Variants in PLD5 observed in about 807,000 individuals in gnomAD.
PLD5 encodes the protein inactive phospholipase D5.
PLD5 carries 36 observed loss-of-function variants against 61.1 expected under a neutral mutation model. The ratio of observed to expected loss-of-function variants is 0.59; its 90% CI spans 0.45 to 0.78. The LOEUF (loss-of-function observed/expected upper bound fraction) is 0.78. Ranked by LOEUF, PLD5 falls within the 30% of genes least tolerant of loss-of-function variation. PLD5 has a pLI of 0.00. For missense variants in PLD5, 515 were observed against 644.4 expected (o/e 0.80, Z 2.17); for synonymous variants, 243 against 242.8 (o/e 1.00, Z -0.01).
At chr1:242,274,598 C>CA (rs1314543221) in intron 3 of PLD5, among the ~76,000 whole-genome samples, 1 of 151,876 alleles carries the variant, frequency 6.6e-6, no homozygotes, top group African/African-American at 2.4e-5. Flanking sequence ...ACTAAAAATA[C>CA]AAAAAATTAG....
intron 2 of PLD5, among the ~76,000 whole-genome samples, chr1:242,297,437 TG>T (rs2149153279): frequency 6.7e-6 from 1 of 149,042 alleles, no homozygotes; most frequent in Admixed American, 6.7e-5. Flanking sequence ...GGCAGGGTCT[TG>T]CTCTGTCATC....
intron 4 of PLD5, among the ~76,000 whole-genome samples, chr1:242,252,720 C>T (rs1672773064): frequency 2.0e-5 from 3 of 152,026 alleles, no homozygotes; most frequent in Admixed American, 2.0e-4. Flanking sequence ...AAGCTACTGG[C>T]TAAAAATGCT....
rs553566951 is a variant in PLD5, at chr1:242,105,687, A to AATAAGT, written c.1239+1978_1239+1983dup. Among the ~76,000 whole-genome samples, 735 of 152,324 alleles carry AATAAGT rather than the reference A, an allele frequency of 4.8e-3. 5 individuals carry two copies. Among genetic ancestry groups the AATAAGT allele is most frequent in the Admixed American group, 0.013 (199 of 15,300 alleles). On this transcript the variant is annotated intron_variant, in intron 8 of 9. Transcript: ENST00000536534. ...TTGTACCTAAAGCTCAATAATAGAA[A>AATAAGT]ATAAGTATGAAAAATCCTTTAAGTG...
chr1:242,304,446 T>C (rs1053812402), intron 2 of PLD5, among the ~76,000 whole-genome samples: 1 of 152,264 alleles, frequency 6.6e-6, no homozygotes, highest in East Asian at 1.9e-4. Flanking sequence ...AGTCTGAATA[T>C]GGCTTAAGTT....
intron 5 of PLD5, among the ~76,000 whole-genome samples, chr1:242,207,232 T>C (rs1008153491): frequency 5.9e-5 from 9 of 152,284 alleles, no homozygotes; most frequent in Admixed American, 5.9e-4. Context: ...ACTCATTAAA[T>C]TAACCTTCAC....
chr1:242,242,588 C>A (rs1169922380), intron 4 of PLD5, among the ~76,000 whole-genome samples: 1 of 152,180 alleles, frequency 6.6e-6, no homozygotes, highest in Non-Finnish European at 1.5e-5. Flanking sequence ...GTATCTTTCA[C>A]CACCCATTAA....
chr1:242,167,293 AAC>A (rs1488182803), intron 5 of PLD5, among the ~76,000 whole-genome samples: 3 of 152,178 alleles, frequency 2.0e-5, no homozygotes, highest in Non-Finnish European at 4.4e-5. Context: ...TTAATGGACT[AAC>A]AGTTCCACAT....
chr1:242,115,738 G>C (rs1661897161), intron 6 of PLD5, among the ~76,000 whole-genome samples: 1 of 151,888 alleles, frequency 6.6e-6, no homozygotes, highest in African/African-American at 2.4e-5. Flanking sequence ...GTTGAGAAAA[G>C]GTCATCGATA....
At chr1:242,174,663 T>C (rs1365618783) in intron 5 of PLD5, among the ~76,000 whole-genome samples, 1 of 152,194 alleles carries the variant, frequency 6.6e-6, no homozygotes, top group Non-Finnish European at 1.5e-5. Flanking sequence ...TGTCCATCAA[T>C]GATAGATTGG....
Position 242,288,369 on chromosome 1 carries a change from G to A in PLD5, c.488C>T (p.Ala163Val). 3.7e-6 allele frequency: 6 copies of A among 1,612,688 alleles called. No homozygotes were observed. Among genetic ancestry groups the A allele is most frequent in the Non-Finnish European group, 4.2e-6 (5 of 1,179,602 alleles). ...ACAGAGGATGTAGCTTACCTGACAT[G>A]CTGATGGATGAGTGTGGTTGAGATC... ...HWDLNHTHPS[A>V]CQGQRLFEKL... The change falls in exon 3 of 10, where the codon GCA becomes GTA. Residue 163 changes from alanine (A) to valine (V), a missense_variant. Physicochemically the swap from Ala to Val is moderately conservative, Grantham distance 64. This residue lies in a region of PLD5 where 450 missense variants were observed against 598.1 expected (regional missense o/e 0.75). Coordinates refer to ENST00000536534, the MANE Select transcript of PLD5 (RefSeq NM_001372062.1).
At chr1:242,469,636 G>T (rs773408838) in intron 1 of PLD5, among the ~76,000 whole-genome samples, 10 of 152,126 alleles carry the variant, frequency 6.6e-5, no homozygotes, top group Non-Finnish European at 1.2e-4. Context: ...TCAGCCTCCT[G>T]AGTAGCTGGG....
chr1:242,204,206 G>A (rs142470149), intron 5 of PLD5, among the ~76,000 whole-genome samples: 83 of 151,580 alleles, frequency 5.5e-4, no homozygotes, highest in African/African-American at 2.0e-3. Context: ...TCATGCCACT[G>A]CACTCCAGTC....
intron 1 of PLD5, among the ~76,000 whole-genome samples, chr1:242,503,763 C>T (rs988966767): frequency 6.6e-6 from 1 of 152,086 alleles, no homozygotes; most frequent in Non-Finnish European, 1.5e-5. Flanking sequence ...GTCAAGTGCT[C>T]TCTTTTGGCC....
chr1:242,423,060 AG>A (rs1204012620), intron 1 of PLD5, among the ~76,000 whole-genome samples: 2 of 152,022 alleles, frequency 1.3e-5, no homozygotes, highest in African/African-American at 4.8e-5. Flanking sequence ...TATGTTGCCC[AG>A]GCTGGTCTTA....
rs1558525589 is a variant in PLD5, at chr1:242,394,206, G to GTATATGAGTATATATGTGTATA, written c.190-45965_190-45964insTATACACATATATACTCATATA. 5.4e-5 allele frequency among the ~76,000 whole-genome samples: 2 copies of GTATATGAGTATATATGTGTATA among 37,334 alleles called. 1 individual carries two copies. Among genetic ancestry groups the GTATATGAGTATATATGTGTATA allele is most frequent in the African/African-American group, 1.8e-4 (2 of 10,958 alleles). The allele number at this position is 37,334 out of a possible 152,430, so 24.5% of individuals were successfully genotyped here. ...TGAGTATATATGAGTATATATATGT[G>GTATATGAGTATATATGTGTATA]TATATGAGTATATATATGTGTATAT... is the stretch of plus-strand genomic sequence containing the variant. On this transcript the variant is annotated intron_variant, in intron 1 of 9. Coordinates refer to ENST00000536534, the MANE Select transcript of PLD5 (RefSeq NM_001372062.1).
chr1:242,234,693 C>T (rs904726249), intron 4 of PLD5, among the ~76,000 whole-genome samples: 2 of 152,044 alleles, frequency 1.3e-5, no homozygotes, highest in African/African-American at 2.4e-5. Context: ...AAGAGTGGCA[C>T]GTGCTCACCT....
chr1:242,243,640 C>T (rs552549817), intron 4 of PLD5, among the ~76,000 whole-genome samples: 1 of 152,138 alleles, frequency 6.6e-6, no homozygotes, highest in East Asian at 1.9e-4. Flanking sequence ...TTGGAAGGGA[C>T]AATAGAAGAG....
chr1:242,498,852 T>C (rs1035594368), intron 1 of PLD5, among the ~76,000 whole-genome samples: 1 of 152,214 alleles, frequency 6.6e-6, no homozygotes, highest in Non-Finnish European at 1.5e-5. Context: ...ATTTGTCTAA[T>C]AAATAAGTTA....
rs779234762 is a variant in PLD5 at position 242,114,078 on chromosome 1, G to A, written c.934-52C>T. ...TAGCGTACTAATTTTTGGCAGCTGG[G>A]GATTTATTTATTTCCTTTGTTTCCA... On this transcript the variant is annotated intron_variant, in intron 6 of 9. Coordinates refer to ENST00000536534, the MANE Select transcript of PLD5 (RefSeq NM_001372062.1). 1.0e-5 allele frequency: 16 copies of A among 1,581,978 alleles called. No homozygotes were observed. The South Asian group carries it at 1.6e-4, about 16-fold the overall frequency.
Sources: gnomAD v4.1 joint callset for allele counts (sites outside exome capture counted in the v4.1 genomes callset) on GRCh38, gnomAD v4.1.1 for gene constraint, gnomAD v4.1.1 regional missense constraint, MANE v1.5 for transcripts, NCBI Gene and HGNC (gene_info 2026-07-23, HGNC 2026-07-21) for gene names.